LYST: variants seen among roughly 807,000 people sequenced by gnomAD.
LYST encodes the protein lysosomal-trafficking regulator.
A neutral mutation model predicts 413.6 loss-of-function variants in LYST; 192 were observed. The observed-to-expected ratio is 0.46, with a 90% CI of 0.41 to 0.52. The LOEUF (loss-of-function observed/expected upper bound fraction) is 0.52, where lower values mean the gene tolerates loss of function less well. Among genes scored for constraint, LYST ranks in the 20% least tolerant of loss-of-function variants. LYST has a pLI of 0.00. For synonymous variants in LYST, 1,525 were observed against 1,567.3 expected, an observed-to-expected ratio of 0.97 and a Z score of 0.64; for missense variants, 3,815 against 4,499.9, an observed-to-expected ratio of 0.85 and a Z score of 4.35.
chr1:235,677,201 A>T lies in LYST; in HGVS notation c.10941-13T>A. ...TACATAGCATAACCTGAAAGAAAAA[A>T]GACATGAATTTGTATATGATCATTA... On this transcript the variant is annotated splice_polypyrimidine_tract_variant and intron_variant, in intron 49 of 52. Transcript: ENST00000389793. The T allele has an allele frequency of 6.3e-7, 1 of 1,575,602 alleles. No individual in the cohort carries two copies.
rs562790696 is a variant in LYST, at chr1:235,863,157, C to T, written c.-98+3686G>A. On this transcript the variant is annotated intron_variant, in intron 1 of 52. Transcript: ENST00000389793. ...CCTGTAATCCAGGCACAGTTGGGGG[C>T]CGAGGAGGGCAGATGATGAGGTCAG... 7.9e-5 allele frequency among the ~76,000 whole-genome samples: 12 copies of T among 152,028 alleles called. No homozygotes were observed. In the South Asian group the frequency reaches 2.5e-3, roughly 32 times the overall value.
chr1:235,788,849 T>C lies in LYST; in HGVS notation c.4544-4A>G. Reference sequence around the variant, plus strand: ...GCACCTTCTGGTCTGTCGCTCTCTATAAGAAAAAGATGTTAGAATGATCAG... The same window carrying C: ...GCACCTTCTGGTCTGTCGCTCTCTACAAGAAAAAGATGTTAGAATGATCAG... On this transcript the variant is annotated splice_region_variant and splice_polypyrimidine_tract_variant and intron_variant, in intron 12 of 52. Transcript: ENST00000389793. 2 of 1,613,214 alleles carry C rather than the reference T, an allele frequency of 1.2e-6. No individual in the cohort carries two copies. Among genetic ancestry groups the C allele is most frequent in the East Asian group, 2.2e-5 (1 of 44,812 alleles).
chr1:235,698,788 G>T (rs529110980), intron 45 of LYST, among the ~76,000 whole-genome samples: 2 of 152,194 alleles, frequency 1.3e-5, no homozygotes, highest in South Asian at 4.2e-4. Flanking sequence ...CAGGAGAATG[G>T]CATGAACCTG....
chr1:235,762,602 T>C (rs1667702250), intron 22 of LYST, 118 bp downstream of exon 22: 6 of 1,020,522 alleles, frequency 5.9e-6, no homozygotes, highest in Non-Finnish European at 9.0e-6. Context: ...GCTGGGTGTC[T>C]CTTGTTAGAT....
At chr1:235,766,010 G>T in intron 21 of LYST, 69 bp downstream of exon 21, 1 of 1,165,942 alleles carries the variant, frequency 8.6e-7, no homozygotes, top group Non-Finnish European at 1.3e-6. Context: ...TCAAACAAAT[G>T]TGAATCAAGT....
At chr1:235,724,259 A>T (rs1268182231) in intron 38 of LYST, 79 bp from the exon 39 acceptor site, 2 of 1,300,186 alleles carry the variant, frequency 1.5e-6, no homozygotes, top group Non-Finnish European at 1.1e-6. Flanking sequence ...TTTAAAAAGC[A>T]TCAAAATAAA....
chr1:235,711,275 G>A (rs959915524), intron 43 of LYST, among the ~76,000 whole-genome samples: 1 of 152,108 alleles, frequency 6.6e-6, no homozygotes, highest in African/African-American at 2.4e-5. Flanking sequence ...GCCCCAAATT[G>A]CAGGTGCTGA....
chr1:235,751,241 A>G lies in LYST; in HGVS notation c.7749T>C (p.His2583=), dbSNP rs746546261. ...DSLQSPSAPH[H]AVVQKRKSIA... is the part of the protein sequence containing the mutation. Reference sequence around the variant, plus strand: ...TGCTTTTCCGCTTTTGAACTACTGCATGATGGGGAGCAGAAGGTGACTGGA... The same window carrying G: ...TGCTTTTCCGCTTTTGAACTACTGCGTGATGGGGAGCAGAAGGTGACTGGA... The change falls in exon 28 of 53, where the codon CAT becomes CAC. Residue 2583 remains histidine (H), a synonymous_variant. Transcript: ENST00000389793. 4 of 1,613,842 alleles carry G rather than the reference A, an allele frequency of 2.5e-6. No homozygotes were observed. Among genetic ancestry groups the G allele is most frequent in the South Asian group, 1.1e-5 (1 of 91,072 alleles).
chr1:235,727,947 G>A, intron 38 of LYST, 129 bp downstream of exon 38: 1 of 719,380 alleles, frequency 1.4e-6, no homozygotes, highest in South Asian at 1.6e-5. Flanking sequence ...TTGGAACTCA[G>A]ACCAATCTAT....
chr1:235,821,595 T>C (rs1436729844), intron 3 of LYST, among the ~76,000 whole-genome samples: 2 of 152,284 alleles, frequency 1.3e-5, no homozygotes, highest in Admixed American at 6.5e-5. Context: ...ATAAACATTA[T>C]GCTAACAGTT....
intron 48 of LYST, among the ~76,000 whole-genome samples, chr1:235,680,117 T>C (rs1054740847): frequency 6.6e-6 from 1 of 151,748 alleles, no homozygotes; most frequent in Non-Finnish European, 1.5e-5. Context: ...TATTAAAACA[T>C]GGATATATTT....
intron 43 of LYST, among the ~76,000 whole-genome samples, chr1:235,709,983 A>G (rs1662286453): frequency 6.6e-6 from 1 of 152,212 alleles, no homozygotes; most frequent in Non-Finnish European, 1.5e-5. Context: ...CAAAAATCTC[A>G]GAAGTGTTTA....
At chr1:235,762,572 C>T (rs1294180677) in intron 22 of LYST, 148 bp downstream of exon 22, 2 of 732,414 alleles carry the variant, frequency 2.7e-6, no homozygotes, top group East Asian at 2.8e-5. Flanking sequence ...TCCATTTTCT[C>T]AATGCTCTTG....
chr1:235,758,935 A>G (rs1667303354), intron 23 of LYST, 37 bp downstream of exon 23: 2 of 1,605,776 alleles, frequency 1.2e-6, no homozygotes, highest in Admixed American at 1.7e-5. Flanking sequence ...GAATAGTAAA[A>G]TAAAGGTGGG....
intron 50 of LYST, among the ~76,000 whole-genome samples, chr1:235,668,412 C>G (rs1658675102): frequency 6.6e-6 from 1 of 152,048 alleles, no homozygotes; most frequent in Non-Finnish European, 1.5e-5. Flanking sequence ...ACCAAGTGCT[C>G]TTTATGATTT....
At chr1:235,797,398 T>C (rs757888069) in intron 10 of LYST, among the ~76,000 whole-genome samples, 52 of 152,214 alleles carry the variant, frequency 3.4e-4, no homozygotes, top group Non-Finnish European at 7.1e-4. Context: ...ATGTTGACAA[T>C]ATGTACCCTT....
At chr1:235,701,379 C>A (rs1572029163) in intron 45 of LYST, among the ~76,000 whole-genome samples, 1 of 152,254 alleles carries the variant, frequency 6.6e-6, no homozygotes, top group African/African-American at 2.4e-5. Context: ...TCTGTAATCC[C>A]AGCACTTTGG....
chr1:235,662,631 A>C lies in LYST; in HGVS notation c.*309T>G. The C allele has an allele frequency of 2.6e-6, 1 of 383,924 alleles. No homozygotes were observed. Among genetic ancestry groups the C allele is most frequent in the Non-Finnish European group, 4.9e-6 (1 of 202,902 alleles). The allele number at this position is 383,924 out of a possible 1,614,324, so 23.8% of individuals were successfully genotyped here. Reference sequence around the variant, plus strand: ...AATCATAGAAAAAGGGGAGACCTTAATATTTTCTTTGGAATACCTTGGTGG... The same window carrying C: ...AATCATAGAAAAAGGGGAGACCTTACTATTTTCTTTGGAATACCTTGGTGG... On this transcript the variant is annotated 3_prime_UTR_variant, in exon 53 of 53. Coordinates refer to ENST00000389793, the MANE Select transcript of LYST (RefSeq NM_000081.4).
chr1:235,695,790 G>A (rs1333988744), intron 46 of LYST, among the ~76,000 whole-genome samples: 1 of 151,800 alleles, frequency 6.6e-6, no homozygotes, highest in South Asian at 2.1e-4. Flanking sequence ...CCGCCACCAC[G>A]CCCGGCTAAT....
Sources: gnomAD v4.1 joint callset for allele counts (sites outside exome capture counted in the v4.1 genomes callset) on GRCh38, gnomAD v4.1.1 for gene constraint, MANE v1.5 for transcripts, NCBI Gene and HGNC (gene_info 2026-07-23, HGNC 2026-07-21) for gene names.